Variants in TRHDE observed in about 807,000 individuals in gnomAD.
TRHDE encodes thyrotropin-releasing hormone-degrading ectoenzyme.
A neutral mutation model predicts 125.7 loss-of-function variants in TRHDE; 72 were observed. That is an observed-to-expected ratio of 0.57 (90% CI 0.47 to 0.70). The LOEUF is 0.70. Ranked by LOEUF, TRHDE falls within the 30% of genes least tolerant of loss-of-function variation. TRHDE has a pLI of 0.00. For synonymous variants in TRHDE, 509 were observed against 509.1 expected (o/e 1.00, Z 0.00); for missense variants, 1,110 against 1,327.1 (o/e 0.84, Z 2.54).
intron 15 of TRHDE, among the ~76,000 whole-genome samples, chr12:72,626,367 T>C (rs1290748682): frequency 1.3e-5 from 2 of 151,902 alleles, no homozygotes; most frequent in African/African-American, 4.8e-5. Context: ...TTCTTCAGAG[T>C]TACCCTCTAC....
chr12:72,501,377 T>C (rs956289751), intron 6 of TRHDE, among the ~76,000 whole-genome samples: 2 of 152,150 alleles, frequency 1.3e-5, no homozygotes, highest in African/African-American at 4.8e-5. Flanking sequence ...TATTTTGCCA[T>C]TGCTAAAAGT....
At chr12:72,318,272 T>C (rs1343506286) in intron 2 of TRHDE, among the ~76,000 whole-genome samples, 1 of 152,080 alleles carries the variant, frequency 6.6e-6, no homozygotes, top group Admixed American at 6.6e-5. Context: ...ACATTCTAGA[T>C]AAAGGTCTAT....
chr12:72,443,874 T>G (rs1875144690), intron 3 of TRHDE, among the ~76,000 whole-genome samples: 1 of 151,764 alleles, frequency 6.6e-6, no homozygotes, highest in Non-Finnish European at 1.5e-5. Flanking sequence ...GATTTACATA[T>G]CAATTTACTC....
intron 2 of TRHDE, among the ~76,000 whole-genome samples, chr12:72,153,329 G>A (rs1566250760): frequency 6.6e-6 from 1 of 151,982 alleles, no homozygotes; most frequent in Non-Finnish European, 1.5e-5. Context: ...CAATTTTGCT[G>A]ATCTTTTCAA....
At chr12:72,322,438 G>A (rs1869139730) in intron 2 of TRHDE, among the ~76,000 whole-genome samples, 1 of 152,030 alleles carries the variant, frequency 6.6e-6, no homozygotes, top group Admixed American at 6.6e-5. Context: ...GATAAACTTT[G>A]TACAGGCATG....
At chr12:72,579,803 A>G (rs1219360878) in intron 12 of TRHDE, among the ~76,000 whole-genome samples, 2 of 152,132 alleles carry the variant, frequency 1.3e-5, no homozygotes, top group Non-Finnish European at 2.9e-5. Context: ...TTTAACTTTA[A>G]TAAGTGCCAA....
intron 15 of TRHDE, among the ~76,000 whole-genome samples, chr12:72,651,558 G>C (rs1874507600): frequency 6.6e-6 from 1 of 151,866 alleles, no homozygotes; most frequent in Non-Finnish European, 1.5e-5. Flanking sequence ...GCATTTTTCA[G>C]AGAAGCATAT....
intron 18 of TRHDE, 120 bp from the exon 19 acceptor site, chr12:72,662,932 T>C (rs1222529963): frequency 9.8e-7 from 1 of 1,017,624 alleles, no homozygotes; most frequent in East Asian, 2.5e-5. Flanking sequence ...ATAGTGGTCA[T>C]GGCATTTTGT....
chr12:72,104,657 A>G (rs1194417476), intron 1 of TRHDE, among the ~76,000 whole-genome samples: 1 of 152,244 alleles, frequency 6.6e-6, no homozygotes, highest in Non-Finnish European at 1.5e-5. Context: ...ATGAACAAGG[A>G]CAAGTCACAT....
At chr12:72,503,756 G>C (rs893648762) in intron 6 of TRHDE, among the ~76,000 whole-genome samples, 2 of 152,010 alleles carry the variant, frequency 1.3e-5, no homozygotes, top group African/African-American at 2.4e-5. Context: ...CATCTCATAC[G>C]GGCCTCAATC....
intron 2 of TRHDE, among the ~76,000 whole-genome samples, chr12:72,242,593 T>C (rs1878504031): frequency 6.6e-6 from 1 of 152,144 alleles, no homozygotes; most frequent in African/African-American, 2.4e-5. Flanking sequence ...GAGCGGGAAG[T>C]AGTGGGCTGC....
chr12:72,415,066 T>C (rs1873675214), intron 3 of TRHDE, among the ~76,000 whole-genome samples: 1 of 152,082 alleles, frequency 6.6e-6, no homozygotes, highest in Admixed American at 6.6e-5. Flanking sequence ...GAATCCGTAT[T>C]TTAGTATTTT....
intron 2 of TRHDE, among the ~76,000 whole-genome samples, chr12:72,359,795 T>G (rs1443095992): frequency 6.6e-6 from 1 of 151,670 alleles, no homozygotes; most frequent in African/African-American, 2.4e-5. Flanking sequence ...TATCCTGATA[T>G]TCATACAAAA....
At chr12:72,314,329 C>T (rs1390044075) in intron 2 of TRHDE, among the ~76,000 whole-genome samples, 1 of 150,356 alleles carries the variant, frequency 6.7e-6, no homozygotes. Context: ...TCCTCCCTCC[C>T]TCCCTCCCTT....
At chr12:72,285,848 T>C (rs1210559557) in intron 1 of TRHDE, among the ~76,000 whole-genome samples, 2 of 152,316 alleles carry the variant, frequency 1.3e-5, no homozygotes, top group Middle Eastern at 3.4e-3. Context: ...ATTTAATCTT[T>C]GTCTTCATTT....
intron 2 of TRHDE, among the ~76,000 whole-genome samples, chr12:72,244,271 T>C (rs1281111275): frequency 6.6e-6 from 1 of 152,168 alleles, no homozygotes; most frequent in Non-Finnish European, 1.5e-5. Flanking sequence ...ACAGCAGCCT[T>C]CAACCTGAAG....
chr12:72,658,457 C>G (rs1476781240), intron 18 of TRHDE, among the ~76,000 whole-genome samples: 4 of 152,100 alleles, frequency 2.6e-5, no homozygotes, highest in Non-Finnish European at 2.9e-5. Flanking sequence ...TGCTTCTCTC[C>G]TTCTCTTTTA....
rs1304608804 is a variant in TRHDE at position 72,398,814 on chromosome 12, GA to G, written c.1315+20694del. On this transcript the variant is annotated intron_variant, in intron 3 of 18. Transcript: ENST00000261180. ...CATCCCTCACTCTACCCATCTTCCA[GA>G]GGTGCAGATTAAGTTGTTAGATGCT... is the stretch of plus-strand genomic sequence containing the variant. 6.6e-5 allele frequency among the ~76,000 whole-genome samples: 10 copies of G among 152,340 alleles called. No homozygotes were observed. The South Asian group carries it at 2.1e-3, about 32-fold the overall frequency.
intron 2 of TRHDE, among the ~76,000 whole-genome samples, chr12:72,225,654 C>G (rs184936868): frequency 7.9e-5 from 12 of 152,280 alleles, no homozygotes; most frequent in African/African-American, 2.4e-4. Context: ...TGTATTGTTT[C>G]TTTCCTTCTG....
Sources: allele counts gnomAD v4.1 joint callset (sites outside exome capture counted in the v4.1 genomes callset), GRCh38; gene constraint gnomAD v4.1.1; transcripts MANE v1.5; gene names NCBI Gene and HGNC (gene_info 2026-07-23, HGNC 2026-07-21).